Variants in ZC3H12B observed in about 807,000 individuals in gnomAD.
ZC3H12B encodes the protein zinc finger CCCH-type containing 12B.
In ZC3H12B, 7 loss-of-function variants were observed where a neutral mutation model predicts 43.9. That is an observed-to-expected ratio of 0.16 (90% confidence interval 0.09 to 0.30). ZC3H12B has a LOEUF of 0.30. ZC3H12B is among the 10% of genes least tolerant of loss of function. ZC3H12B has a pLI of 1.00. For missense variants in ZC3H12B, 475 were observed against 670.2 expected (o/e 0.71, Z 3.22); for synonymous variants, 222 against 241.7 (o/e 0.92, Z 0.76).
At chrX:65,283,751 G>A in the ZC3H12B span, among the ~76,000 whole-genome samples, 1 of 111,328 alleles carries the variant, frequency 9.0e-6, no homozygotes, top group Admixed American at 9.5e-5. Flanking sequence ...GTAGCCAGTG[G>A]CAACTGTACA....
chrX:65,308,119 A>T, the ZC3H12B span, among the ~76,000 whole-genome samples: 1 of 111,483 alleles, frequency 9.0e-6, no homozygotes, highest in Admixed American at 9.6e-5. Flanking sequence ...TCTCGAAGAT[A>T]GACCATATGA....
At chrX:65,182,574 T>C in the ZC3H12B span, among the ~76,000 whole-genome samples, 1 of 110,461 alleles carries the variant, frequency 9.1e-6, no homozygotes, top group African/African-American at 3.3e-5. Flanking sequence ...TTAAGAAATA[T>C]GATCCAATTA....
chrX:65,296,068 A>G, the ZC3H12B span, among the ~76,000 whole-genome samples: 1 of 112,284 alleles, frequency 8.9e-6, no homozygotes, highest in Non-Finnish European at 1.9e-5. Context: ...ATGCATGATT[A>G]TAGCAGCACA....
intron 3 of ZC3H12B, among the ~76,000 whole-genome samples, chrX:65,405,720 G>C (rs1162625975): frequency 9.0e-6 from 1 of 111,679 alleles, no homozygotes; most frequent in Non-Finnish European, 1.9e-5. Flanking sequence ...TTGGTTTTTT[G>C]AAAAGTAAAA....
At chrX:65,386,437 G>C (rs1465766296) in intron 2 of ZC3H12B, among the ~76,000 whole-genome samples, 1 of 111,779 alleles carries the variant, frequency 8.9e-6, no homozygotes, top group African/African-American at 3.3e-5. Context: ...TTTGCGTAGA[G>C]GTGTTTATAG....
the ZC3H12B span, among the ~76,000 whole-genome samples, chrX:65,335,822 C>T: frequency 1.8e-5 from 2 of 111,952 alleles, no homozygotes; most frequent in African/African-American, 6.5e-5. Context: ...CCCCAAAATT[C>T]CTGTTCCCTG....
chrX:65,409,794 T>A (rs145604667), intron 3 of ZC3H12B, among the ~76,000 whole-genome samples: 101 of 111,105 alleles, frequency 9.1e-4, no homozygotes, highest in African/African-American at 3.2e-3. Context: ...TATAAAACAC[T>A]GATGAAAGAA....
chrX:65,217,077 C>T, the ZC3H12B span, among the ~76,000 whole-genome samples: 7 of 111,432 alleles, frequency 6.3e-5, no homozygotes, highest in African/African-American at 2.3e-4. Context: ...TTGCTTCTCC[C>T]CCAACTCCAG....
At chrX:65,292,796 G>A in the ZC3H12B span, among the ~76,000 whole-genome samples, 1 of 110,613 alleles carries the variant, frequency 9.0e-6, no homozygotes, top group African/African-American at 3.3e-5. Context: ...ACCAGCCTGA[G>A]CAACATAGCA....
chrX:65,063,863 A>G, the ZC3H12B span, among the ~76,000 whole-genome samples: 16 of 112,071 alleles, frequency 1.4e-4, no homozygotes, highest in Admixed American at 1.2e-3. Context: ...CAGGGATTCA[A>G]CTTCTTCCTG....
At chrX:65,354,608 G>A in the ZC3H12B span, among the ~76,000 whole-genome samples, 16 of 111,763 alleles carry the variant, frequency 1.4e-4, no homozygotes, top group African/African-American at 5.2e-4. Flanking sequence ...GACGGAGAAT[G>A]AGTTTGATGA....
At chrX:65,191,607 C>T in the ZC3H12B span, among the ~76,000 whole-genome samples, 1 of 103,790 alleles carries the variant, frequency 9.6e-6, no homozygotes, top group African/African-American at 4.0e-5. Flanking sequence ...GTAGTATTCT[C>T]TGATGGTAGT....
chrX:65,249,327 G>A, the ZC3H12B span, among the ~76,000 whole-genome samples: 1 of 111,806 alleles, frequency 8.9e-6, no homozygotes, highest in Non-Finnish European at 1.9e-5. Flanking sequence ...TGTTGAAAAT[G>A]GTATCCTATC....
chrX:65,310,784 G>A, the ZC3H12B span, among the ~76,000 whole-genome samples: 1 of 111,644 alleles, frequency 9.0e-6, no homozygotes, highest in Non-Finnish European at 1.9e-5. Flanking sequence ...GCATGGTACT[G>A]GTACCAAAAC....
At chrX:65,246,068 A>G in the ZC3H12B span, among the ~76,000 whole-genome samples, 1 of 111,890 alleles carries the variant, frequency 8.9e-6, no homozygotes, top group Non-Finnish European at 1.9e-5. Context: ...GCAAAATCTC[A>G]GGATACCAAA....
At chrX:65,406,211 A>C (rs2066818894) in intron 3 of ZC3H12B, among the ~76,000 whole-genome samples, 1 of 110,359 alleles carries the variant, frequency 9.1e-6, no homozygotes, top group Admixed American at 9.6e-5. Context: ...ACAGTTCAAT[A>C]TCTCTGATGA....
At chrX:65,345,098 A>G in the ZC3H12B span, among the ~76,000 whole-genome samples, 1 of 112,478 alleles carries the variant, frequency 8.9e-6, no homozygotes, top group East Asian at 2.8e-4. Flanking sequence ...ACTGTTAGTG[A>G]TAGAGTAAAT....
At chrX:65,268,909 G>A in the ZC3H12B span, among the ~76,000 whole-genome samples, 4 of 111,821 alleles carry the variant, frequency 3.6e-5, no homozygotes, top group Non-Finnish European at 7.5e-5. Flanking sequence ...ATGCAAAAAG[G>A]CATTCAAATT....
At chrX:65,392,869 G>C (rs1460465969) in intron 2 of ZC3H12B, among the ~76,000 whole-genome samples, 1 of 112,891 alleles carries the variant, frequency 8.9e-6, no homozygotes, top group Non-Finnish European at 1.9e-5. Context: ...GAACGAAGTA[G>C]ACATAGGAGG....
Sources: allele counts gnomAD v4.1 joint callset (sites outside exome capture counted in the v4.1 genomes callset), GRCh38; gene constraint gnomAD v4.1.1; transcripts MANE v1.5; gene names NCBI Gene and HGNC (gene_info 2026-07-23, HGNC 2026-07-21).